LOC128462377: variants seen among roughly 807,000 people sequenced by gnomAD.
At chr16:89,333,221 C>T in the LOC128462377 span, among the ~76,000 whole-genome samples, 3 of 152,234 alleles carry the variant, frequency 2.0e-5, no homozygotes, top group Admixed American at 2.0e-4. Context: ...TAAACAGACA[C>T]TGAAAATAAA....
the LOC128462377 span, among the ~76,000 whole-genome samples, chr16:89,416,459 C>T: frequency 6.6e-6 from 1 of 152,072 alleles, no homozygotes; most frequent in Non-Finnish European, 1.5e-5. Context: ...CCACCACGTC[C>T]GGTTAATATT....
chr16:89,391,291 C>A, the LOC128462377 span, among the ~76,000 whole-genome samples: 1 of 151,290 alleles, frequency 6.6e-6, no homozygotes, highest in Non-Finnish European at 1.5e-5. Context: ...AGATTCAGGG[C>A]AGGTCGCTGA....
the LOC128462377 span, among the ~76,000 whole-genome samples, chr16:89,318,462 C>T: frequency 3.3e-5 from 5 of 152,352 alleles, no homozygotes; most frequent in South Asian, 4.1e-4. Flanking sequence ...CACCTCTGTG[C>T]GCGACCATGC....
At chr16:89,355,318 G>C in the LOC128462377 span, among the ~76,000 whole-genome samples, 2 of 152,122 alleles carry the variant, frequency 1.3e-5, no homozygotes, top group African/African-American at 2.4e-5. Context: ...GGCTCACACA[G>C]ACCCACAAGG....
chr16:89,388,322 G>T, the LOC128462377 span, among the ~76,000 whole-genome samples: 1 of 40,478 alleles, frequency 2.5e-5, no homozygotes, highest in African/African-American at 6.3e-5. Context: ...TTTTGAGACG[G>T]AGTCTTGCTC....
the LOC128462377 span, among the ~76,000 whole-genome samples, chr16:89,403,442 A>T: frequency 2.0e-5 from 3 of 152,098 alleles, no homozygotes; most frequent in Non-Finnish European, 2.9e-5. Flanking sequence ...AGTCCCGAGG[A>T]AGTTTCTCAG....
At chr16:89,388,654 G>T in the LOC128462377 span, among the ~76,000 whole-genome samples, 1 of 152,186 alleles carries the variant, frequency 6.6e-6, no homozygotes, top group East Asian at 1.9e-4. Flanking sequence ...TAGAGCAGGA[G>T]CCCTGCGATG....
chr16:89,350,996 ACT>A, the LOC128462377 span, among the ~76,000 whole-genome samples: 1 of 152,222 alleles, frequency 6.6e-6, no homozygotes, highest in African/African-American at 2.4e-5. Flanking sequence ...GGGTACGCAC[ACT>A]CTGTGATGCT....
the LOC128462377 span, among the ~76,000 whole-genome samples, chr16:89,384,835 G>GTGTAAGAACATGTGTGTGGGAGC: frequency 2.0e-5 from 3 of 146,776 alleles, no homozygotes; most frequent in African/African-American, 7.7e-5. Flanking sequence ...GAACATACGT[G>GTGTAAGAACATGTGTGTGGGAGC]TGTAAGAACA....
the LOC128462377 span, among the ~76,000 whole-genome samples, chr16:89,407,648 C>CA: frequency 1.3e-5 from 2 of 151,998 alleles, no homozygotes; most frequent in East Asian, 3.8e-4. Flanking sequence ...CGGCGAGACG[C>CA]CGTCTCTATC....
At chr16:89,349,471 C>G in the LOC128462377 span, among the ~76,000 whole-genome samples, 3 of 152,192 alleles carry the variant, frequency 2.0e-5, no homozygotes, top group Admixed American at 2.0e-4. Context: ...CAGAGCGAGA[C>G]TCATCTCAAA....
At chr16:89,317,869 G>C in the LOC128462377 span, among the ~76,000 whole-genome samples, 21 of 152,134 alleles carry the variant, frequency 1.4e-4, no homozygotes, top group Non-Finnish European at 1.5e-5. Flanking sequence ...AGATAGCCAA[G>C]GGCTCCCATG....
At chr16:89,323,276 T>C in the LOC128462377 span, 4 of 1,287,538 alleles carry the variant, frequency 3.1e-6, no homozygotes, top group African/African-American at 1.5e-5. Flanking sequence ...GCAGGCCTAC[T>C]GTGTGCAAAG....
the LOC128462377 span, among the ~76,000 whole-genome samples, chr16:89,325,922 G>A: frequency 2.0e-5 from 3 of 152,280 alleles, no homozygotes; most frequent in South Asian, 4.1e-4. Context: ...GCATGACGAC[G>A]GAGCAGCTTC....
the LOC128462377 span, among the ~76,000 whole-genome samples, chr16:89,330,467 G>A: frequency 6.6e-6 from 1 of 152,210 alleles, no homozygotes; most frequent in Admixed American, 6.5e-5. Flanking sequence ...CACAGACACG[G>A]CTGCGGATGT....
chr16:89,396,232 T>C, the LOC128462377 span, among the ~76,000 whole-genome samples: 1 of 152,300 alleles, frequency 6.6e-6, no homozygotes, highest in East Asian at 1.9e-4. Context: ...CTTTCTGATG[T>C]AGTAAAATCA....
the LOC128462377 span, among the ~76,000 whole-genome samples, chr16:89,352,321 G>A: frequency 6.6e-6 from 1 of 151,860 alleles, no homozygotes; most frequent in Non-Finnish European, 1.5e-5. Flanking sequence ...CAGAGCCCTG[G>A]GGGAAGGCAA....
chr16:89,390,660 G>A, the LOC128462377 span, among the ~76,000 whole-genome samples: 1 of 152,070 alleles, frequency 6.6e-6, no homozygotes, highest in South Asian at 2.1e-4. Context: ...AAGAAGAACA[G>A]GCAAAAGGGA....
chr16:89,410,721 A>G, the LOC128462377 span, among the ~76,000 whole-genome samples: 1 of 152,260 alleles, frequency 6.6e-6, no homozygotes. Context: ...ACCAAAAGCT[A>G]TGAAAGCATC....
Sources: allele counts gnomAD v4.1 joint callset (sites outside exome capture counted in the v4.1 genomes callset), GRCh38; gene constraint gnomAD v4.1.1; transcripts MANE v1.5.